The following TAFA2 variants were observed in gnomAD, a reference collection of about 807,000 sequenced individuals.
TAFA2 encodes the protein TAFA chemokine like family member 2.
In TAFA2, 7 loss-of-function variants were observed where a neutral mutation model predicts 18.8. The ratio of observed to expected loss-of-function variants is 0.37; its 90% CI spans 0.21 to 0.70. The LOEUF is 0.70. TAFA2 is among the 30% of genes least tolerant of loss of function. TAFA2 has a pLI of 0.53. For missense variants in TAFA2, 122 were observed against 158.1 expected (o/e 0.77, Z 1.23); for synonymous variants, 60 against 54.2 (o/e 1.11, Z -0.47).
intron 1 of TAFA2, among the ~76,000 whole-genome samples, chr12:62,239,819 A>G (rs1194420487): frequency 1.3e-5 from 2 of 152,166 alleles, no homozygotes; most frequent in Non-Finnish European, 2.9e-5. Context: ...CTGATGCTGC[A>G]TGAAGCAGAA....
At chr12:62,154,787 T>C (rs1179772532) in intron 1 of TAFA2, among the ~76,000 whole-genome samples, 1 of 152,084 alleles carries the variant, frequency 6.6e-6, no homozygotes, top group Non-Finnish European at 1.5e-5. Flanking sequence ...CACACATTGC[T>C]GACTCAAACA....
chr12:61,894,999 T>C (rs17577487), intron 1 of TAFA2, among the ~76,000 whole-genome samples: 2,337 of 152,312 alleles, frequency 0.015, 70 homozygotes, highest in East Asian at 0.12. Context: ...TGTTTTTGAA[T>C]AGTATTTATC....
At chr12:61,793,908 T>A (rs959891687) in intron 2 of TAFA2, among the ~76,000 whole-genome samples, 11 of 151,894 alleles carry the variant, frequency 7.2e-5, no homozygotes, top group African/African-American at 2.7e-4. Flanking sequence ...GGTTTACTAG[T>A]TTAATATTTG....
At chr12:61,959,483 C>T (rs550435583) in intron 1 of TAFA2, among the ~76,000 whole-genome samples, 2 of 152,076 alleles carry the variant, frequency 1.3e-5, no homozygotes, top group Admixed American at 1.3e-4. Flanking sequence ...CTATTGATTC[C>T]TTTTGTTATG....
At chr12:61,794,474 G>A (rs1448963020) in intron 2 of TAFA2, among the ~76,000 whole-genome samples, 1 of 151,906 alleles carries the variant, frequency 6.6e-6, no homozygotes, top group Non-Finnish European at 1.5e-5. Context: ...GAAAAGATGT[G>A]TAAGATCTTC....
chr12:61,757,372 A>G (rs567288766), intron 2 of TAFA2, among the ~76,000 whole-genome samples: 5 of 152,196 alleles, frequency 3.3e-5, no homozygotes, highest in Middle Eastern at 3.4e-3. Context: ...TCTGATGGAT[A>G]GAGAAGGCCT....
chr12:61,739,578 G>A (rs572109593), intron 4 of TAFA2, among the ~76,000 whole-genome samples: 105 of 151,966 alleles, frequency 6.9e-4, no homozygotes, highest in African/African-American at 2.2e-3. Flanking sequence ...AGACCATTAC[G>A]TAGGTACAAC....
intron 1 of TAFA2, among the ~76,000 whole-genome samples, chr12:61,962,506 C>T (rs1878921053): frequency 6.6e-6 from 1 of 151,882 alleles, no homozygotes; most frequent in South Asian, 2.1e-4. Context: ...AGTCTATATT[C>T]AGGTTTCATT....
intron 1 of TAFA2, among the ~76,000 whole-genome samples, chr12:61,973,453 A>G (rs1025800374): frequency 6.9e-6 from 1 of 145,696 alleles, no homozygotes; most frequent in Non-Finnish European, 1.5e-5. Context: ...TTCTTATAAT[A>G]ATTCTTTAGC....
intron 1 of TAFA2, among the ~76,000 whole-genome samples, chr12:61,906,282 C>A (rs1448991124): frequency 6.6e-6 from 1 of 152,116 alleles, no homozygotes; most frequent in African/African-American, 2.4e-5. Context: ...GGGAGGGACC[C>A]AGTGGGAGGT....
intron 1 of TAFA2, among the ~76,000 whole-genome samples, chr12:62,046,134 T>A (rs1197708035): frequency 2.0e-5 from 3 of 152,292 alleles, no homozygotes; most frequent in Non-Finnish European, 4.4e-5. Flanking sequence ...TGCTATAATT[T>A]GCTCTTTAAA....
chr12:62,004,004 A>T (rs539074458), intron 1 of TAFA2, among the ~76,000 whole-genome samples: 1 of 152,284 alleles, frequency 6.6e-6, no homozygotes, highest in African/African-American at 2.4e-5. Context: ...ATACAGAAAA[A>T]ACATTCTTAA....
chr12:62,051,964 TAATAG>T (rs1882065897), intron 1 of TAFA2, among the ~76,000 whole-genome samples: 1 of 152,146 alleles, frequency 6.6e-6, no homozygotes, highest in Admixed American at 6.5e-5. Flanking sequence ...ATGAAAGCAC[TAATAG>T]ACAATACATA....
At chr12:61,925,306 CTTA>C (rs1877239737) in intron 1 of TAFA2, among the ~76,000 whole-genome samples, 1 of 152,170 alleles carries the variant, frequency 6.6e-6, no homozygotes. Context: ...CCATATAGCA[CTTA>C]TTATAAAATT....
rs185935935 is a variant in TAFA2 at position 62,169,011 on chromosome 12, G to A, written c.-2+22248C>T. ...CCATATATGTATATATTTAAAAATT[G>A]GGGAAATTTCAACACTGATTAGCTA... On this transcript the variant is annotated intron_variant, in intron 1 of 4. Coordinates refer to ENST00000416284, the MANE Select transcript of TAFA2 (RefSeq NM_178539.5). Among the ~76,000 whole-genome samples the A allele has an allele frequency of 7.9e-5, 12 of 151,580 alleles. No homozygotes were observed. The East Asian group carries it at 1.4e-3, about 17-fold the overall frequency.
At chr12:61,979,366 T>C (rs577217381) in intron 1 of TAFA2, among the ~76,000 whole-genome samples, 1 of 152,242 alleles carries the variant, frequency 6.6e-6, no homozygotes, top group African/African-American at 2.4e-5. Context: ...AATGAAGGTT[T>C]TAAAATCAGG....
At chr12:61,715,599 AC>A (rs1427606008) in intron 4 of TAFA2, among the ~76,000 whole-genome samples, 2 of 151,548 alleles carry the variant, frequency 1.3e-5, no homozygotes, top group Non-Finnish European at 2.9e-5. Flanking sequence ...TTATCCGCCC[AC>A]CTCGGCTTCC....
At chr12:61,960,215 C>A (rs1239176703) in intron 1 of TAFA2, among the ~76,000 whole-genome samples, 2 of 150,770 alleles carry the variant, frequency 1.3e-5, no homozygotes, top group Non-Finnish European at 3.0e-5. Flanking sequence ...AATCTATATG[C>A]TGTTTTATAT....
chr12:61,724,459 A>T (rs927276217), intron 4 of TAFA2, among the ~76,000 whole-genome samples: 1 of 147,284 alleles, frequency 6.8e-6, no homozygotes, highest in Middle Eastern at 3.3e-3. Flanking sequence ...TTTAGTTGTG[A>T]TTTCTGAGAT....
Sources: gnomAD v4.1 joint callset for allele counts (sites outside exome capture counted in the v4.1 genomes callset) on GRCh38, gnomAD v4.1.1 for gene constraint, MANE v1.5 for transcripts, NCBI Gene and HGNC (gene_info 2026-07-23, HGNC 2026-07-21) for gene names.